TRIO: variants seen among roughly 807,000 people sequenced by gnomAD.
The protein encoded by TRIO is trio Rho guanine nucleotide exchange factor.
Under a neutral mutation model 351.9 loss-of-function variants are expected in TRIO, and 58 were observed. The ratio of observed to expected loss-of-function variants is 0.16; its 90% CI spans 0.13 to 0.21. The LOEUF (loss-of-function observed/expected upper bound fraction) is 0.21. Among genes scored for constraint, TRIO ranks in the 10% least tolerant of loss-of-function variants. The pLI is 1.00. For synonymous variants in TRIO, 1,758 were observed against 1,595.7 expected (o/e 1.10, Z -2.42); for missense variants, 3,201 against 4,027.8 (o/e 0.79, Z 5.56).
At chr5:14,218,620 A>G (rs1792374860) in intron 1 of TRIO, among the ~76,000 whole-genome samples, 1 of 152,224 alleles carries the variant, frequency 6.6e-6, no homozygotes, top group African/African-American at 2.4e-5. Flanking sequence ...GAGGCTGCGC[A>G]GTGGGGCTGG....
At chr5:14,499,367 A>G (rs1019639760) in intron 53 of TRIO, among the ~76,000 whole-genome samples, 3 of 152,254 alleles carry the variant, frequency 2.0e-5, no homozygotes, top group African/African-American at 4.8e-5. Context: ...TGATGTAGAT[A>G]GCTGCTGAGA....
At chr5:14,337,204 C>T (rs1247944597) in intron 11 of TRIO, among the ~76,000 whole-genome samples, 1 of 152,156 alleles carries the variant, frequency 6.6e-6, no homozygotes, top group African/African-American at 2.4e-5. Context: ...ATGTCATAGG[C>T]ATGCACCTGT....
At chr5:14,347,505 T>C (rs1191741800) in intron 11 of TRIO, among the ~76,000 whole-genome samples, 1 of 152,260 alleles carries the variant, frequency 6.6e-6, no homozygotes, top group African/African-American at 2.4e-5. Context: ...TCAGGACTTT[T>C]ATGTCTGTAT....
Position 14,333,382 on chromosome 5 carries a change from G to C in TRIO, c.1854+2482G>C, listed in dbSNP as rs562628862. Among the ~76,000 whole-genome samples the C allele has an allele frequency of 1.1e-4, 16 of 152,292 alleles. No homozygotes were observed. The South Asian group carries it at 3.3e-3, about 32-fold the overall frequency. On this transcript the variant is annotated intron_variant, in intron 10 of 56. Coordinates refer to ENST00000344204, the MANE Select transcript of TRIO (RefSeq NM_007118.4). Reference sequence around the variant, plus strand: ...TGGGATGCCGTGTTTTCCCTTCACGGATGAAAAGACGATCCCTGGGAATTT... The same window carrying C: ...TGGGATGCCGTGTTTTCCCTTCACGCATGAAAAGACGATCCCTGGGAATTT...
intron 2 of TRIO, among the ~76,000 whole-genome samples, chr5:14,274,211 A>T (rs965344429): frequency 1.3e-5 from 2 of 152,082 alleles, no homozygotes; most frequent in African/African-American, 4.8e-5. Context: ...TTTAACCTGT[A>T]GGTTGTGTGT....
chr5:14,296,956 A>G, intron 6 of TRIO, 116 bp from the exon 7 acceptor site: 1 of 734,442 alleles, frequency 1.4e-6, no homozygotes, highest in Non-Finnish European at 2.2e-6. Flanking sequence ...TGCTCCTGGG[A>G]GAGATGTGAT....
chr5:14,152,891 T>C (rs1201105883), intron 1 of TRIO, among the ~76,000 whole-genome samples: 1 of 152,228 alleles, frequency 6.6e-6, no homozygotes, highest in Non-Finnish European at 1.5e-5. Flanking sequence ...AGTGCCAGAA[T>C]GTTGTTAGTA....
chr5:14,143,667 C>T lies in TRIO; in HGVS notation c.-59C>T. ...GCCAGGCCCGGCGCGGAGCGGGCGGCACGCGGCGCTAGGGGCGCGGGGCCC... is the reference window on the plus strand; with the variant it reads ...GCCAGGCCCGGCGCGGAGCGGGCGGTACGCGGCGCTAGGGGCGCGGGGCCC... On this transcript the variant is annotated 5_prime_UTR_variant, in exon 1 of 57. Coordinates refer to ENST00000344204, the MANE Select transcript of TRIO (RefSeq NM_007118.4). 1.1e-6 allele frequency: 1 copy of T among 882,906 alleles called. No individual in the cohort carries two copies. The allele number at this position is 882,906 out of a possible 1,614,324, so 54.7% of individuals were successfully genotyped here.
At chr5:14,368,002 A>T (rs1579446853) in intron 16 of TRIO, among the ~76,000 whole-genome samples, 1 of 152,028 alleles carries the variant, frequency 6.6e-6, no homozygotes, top group South Asian at 2.1e-4. Context: ...GCTATTGTTT[A>T]AAAAAAATCT....
chr5:14,264,118 T>C (rs975197492), intron 1 of TRIO, among the ~76,000 whole-genome samples: 1 of 152,216 alleles, frequency 6.6e-6, no homozygotes, highest in African/African-American at 2.4e-5. Context: ...AATTAAAACA[T>C]CAAACCTTAA....
intron 9 of TRIO, among the ~76,000 whole-genome samples, chr5:14,329,856 A>G: frequency 6.6e-6 from 1 of 152,128 alleles, no homozygotes; most frequent in Non-Finnish European, 1.5e-5. Flanking sequence ...ATATACCAAA[A>G]CCTATGGGTG....
In TRIO at chr5:14,387,538, T is replaced by C. The variant is rs773745036; in HGVS notation, c.3671T>C (p.Val1224Ala). 2 of 1,614,120 alleles carry C rather than the reference T, an allele frequency of 1.2e-6. No individual in the cohort carries two copies. Among genetic ancestry groups the C allele is most frequent in the Admixed American group, 3.3e-5 (2 of 60,004 alleles). The change falls in exon 22 of 57, where the codon GTG becomes GCG. Residue 1224 changes from valine to alanine, a missense_variant. Coordinates refer to ENST00000344204, the MANE Select transcript of TRIO (RefSeq NM_007118.4). ...AAEIKKCVTA[V>A]DKRYRDFSLR... is the part of the protein sequence containing the mutation. ...GAGATAAAAAAATGTGTTACTGCTG[T>C]GGATAAGAGGTACAGAGATTTCTCT...
chr5:14,280,196 A>T (rs958601106), intron 2 of TRIO, 126 bp from the exon 3 acceptor site: 3 of 803,960 alleles, frequency 3.7e-6, no homozygotes, highest in Non-Finnish European at 6.1e-6. Flanking sequence ...AGCTGAAACA[A>T]GGACTTCTGC....
At chr5:14,451,041 G>A (rs1175630496) in intron 34 of TRIO, among the ~76,000 whole-genome samples, 3 of 152,214 alleles carry the variant, frequency 2.0e-5, no homozygotes, top group African/African-American at 7.2e-5. Flanking sequence ...ATAGATTTAA[G>A]TTTGGAGAAA....
chr5:14,416,983 G>A (rs1178151572), intron 33 of TRIO, among the ~76,000 whole-genome samples: 1 of 152,198 alleles, frequency 6.6e-6, no homozygotes, highest in African/African-American at 2.4e-5. Flanking sequence ...CCAGAGGCCT[G>A]GGAAGGGCAG....
chr5:14,423,526 T>C (rs760217777), intron 34 of TRIO, among the ~76,000 whole-genome samples: 2 of 152,234 alleles, frequency 1.3e-5, no homozygotes, highest in Non-Finnish European at 2.9e-5. Flanking sequence ...GTTCAAAACA[T>C]CCTCTTTGCC....
At chr5:14,463,587 AC>A (rs1246065141) in intron 36 of TRIO, among the ~76,000 whole-genome samples, 1 of 151,816 alleles carries the variant, frequency 6.6e-6, no homozygotes, top group African/African-American at 2.4e-5. Flanking sequence ...CAGAAAGGAA[AC>A]CTGCTCAGTG....
At chr5:14,287,853 A>G (rs1226650165) in intron 4 of TRIO, among the ~76,000 whole-genome samples, 1 of 152,236 alleles carries the variant, frequency 6.6e-6, no homozygotes, top group Admixed American at 6.5e-5. Context: ...AATCTGCTCA[A>G]ACGTTAGGTT....
chr5:14,398,898 A>C lies in TRIO; in HGVS notation c.4442A>C (p.Glu1481Ala), dbSNP rs776083725. The C allele has an allele frequency of 1.9e-5, 31 of 1,612,816 alleles. No homozygotes were observed. Among genetic ancestry groups the C allele is most frequent in the Non-Finnish European group, 2.5e-5 (30 of 1,179,632 alleles). ...SMLEGFDENI[E>A]SQGELILQES... ...GTTGTAGGGTTTGATGAAAACATTG[A>C]GTCTCAGGGAGAACTCATCCTACAG... is the stretch of plus-strand genomic sequence containing the variant. The change falls in exon 30 of 57, where the codon GAG becomes GCG. Residue 1481 changes from glutamate (E) to alanine (A), a missense_variant. Glu to Ala is a moderately radical substitution (Grantham distance 107). Around this residue, in one of 19 missense-constraint regions of TRIO, gnomAD observed 115 missense variants for 239.6 expected, o/e 0.48. Coordinates refer to ENST00000344204, the MANE Select transcript of TRIO (RefSeq NM_007118.4).
Sources: allele counts gnomAD v4.1 joint callset (sites outside exome capture counted in the v4.1 genomes callset), GRCh38; gene constraint gnomAD v4.1.1; regional missense constraint gnomAD v4.1.1; transcripts MANE v1.5; gene names NCBI Gene and HGNC (gene_info 2026-07-23, HGNC 2026-07-21).